The following SGCD variants were observed in gnomAD, a reference collection of about 807,000 sequenced individuals.
SGCD encodes the protein sarcoglycan delta, also known as delta-sarcoglycan.
Under a neutral mutation model 36.6 loss-of-function variants are expected in SGCD, and 18 were observed. That is an observed-to-expected ratio of 0.49 (90% CI 0.34 to 0.73). The LOEUF is 0.73. SGCD is among the 30% of genes least tolerant of loss of function. The pLI, the probability that SGCD is intolerant of heterozygous loss-of-function variation, is 0.01. For missense variants in SGCD, 387 were observed against 346.7 expected (o/e 1.12, Z -0.92); for synonymous variants, 133 against 130.6 (o/e 1.02, Z -0.12).
At chr5:156,358,969 G>A (rs1238274719) in intron 3 of SGCD, among the ~76,000 whole-genome samples, 1 of 152,064 alleles carries the variant, frequency 6.6e-6, no homozygotes, top group African/African-American at 2.4e-5. Flanking sequence ...ATTTGGTGAG[G>A]AGAATGCACT....
At chr5:156,349,066 T>A (rs2033297833) in intron 3 of SGCD, among the ~76,000 whole-genome samples, 1 of 152,058 alleles carries the variant, frequency 6.6e-6, no homozygotes, top group Admixed American at 6.5e-5. Flanking sequence ...TGAAACTGGA[T>A]CCTTGTCTCT....
chr5:156,006,802 G>A (rs1758767449), intron 1 of SGCD, among the ~76,000 whole-genome samples: 1 of 152,144 alleles, frequency 6.6e-6, no homozygotes, highest in African/African-American at 2.4e-5. Context: ...GTTCTCAAAT[G>A]TGAGCAGTCT....
Position 156,567,305 on chromosome 5 carries a change from G to A in SGCD, c.295-21926G>A, listed in dbSNP as rs183136063. Among the ~76,000 whole-genome samples the A allele has an allele frequency of 3.1e-3, 467 of 151,046 alleles. 3 individuals carry two copies. Among genetic ancestry groups the A allele is most frequent in the African/African-American group, 0.011 (440 of 41,098 alleles). On this transcript the variant is annotated intron_variant, in intron 4 of 8. Coordinates refer to ENST00000337851, the MANE Select transcript of SGCD (RefSeq NM_000337.6). ...GGAGGGGGTGAATGGATGGATGGAT[G>A]GATGGATGAATTAATGGGGGAAGGA... is the stretch of plus-strand genomic sequence containing the variant.
intron 4 of SGCD, among the ~76,000 whole-genome samples, chr5:156,589,018 G>A (rs1760609670): frequency 6.6e-6 from 1 of 151,914 alleles, no homozygotes; most frequent in African/African-American, 2.4e-5. Flanking sequence ...GTGTGTGTGT[G>A]TGTGTGCATT....
intron 3 of SGCD, among the ~76,000 whole-genome samples, chr5:156,472,217 G>A (rs925340118): frequency 1.3e-5 from 2 of 152,112 alleles, no homozygotes; most frequent in African/African-American, 4.8e-5. Context: ...AAAGCCAAAT[G>A]TATACCGATC....
intron 3 of SGCD, among the ~76,000 whole-genome samples, chr5:156,494,039 G>T (rs919725548): frequency 2.0e-5 from 3 of 152,108 alleles, no homozygotes; most frequent in East Asian, 3.9e-4. Context: ...ATGGCGGGGT[G>T]TCACTGCCAT....
intron 1 of SGCD, among the ~76,000 whole-genome samples, chr5:155,961,333 T>C (rs572417975): frequency 7.9e-5 from 12 of 152,140 alleles, no homozygotes; most frequent in Non-Finnish European, 1.6e-4. Flanking sequence ...AAATTAGTCT[T>C]TAAAAATAAT....
chr5:156,294,418 G>T (rs531204360), intron 3 of SGCD, among the ~76,000 whole-genome samples: 1 of 152,082 alleles, frequency 6.6e-6, no homozygotes, highest in African/African-American at 2.4e-5. Context: ...TCAACATAAA[G>T]ACCAAGTCTC....
At chr5:156,510,735 T>G (rs1214473427) in intron 4 of SGCD, among the ~76,000 whole-genome samples, 1 of 152,192 alleles carries the variant, frequency 6.6e-6, no homozygotes, top group Non-Finnish European at 1.5e-5. Flanking sequence ...TCCATAAATA[T>G]ATAAATGCTC....
chr5:155,962,408 G>T (rs541544678), intron 1 of SGCD, among the ~76,000 whole-genome samples: 2 of 152,102 alleles, frequency 1.3e-5, no homozygotes, highest in African/African-American at 4.8e-5. Context: ...GACTTTTCCT[G>T]CCCATCCACT....
chr5:155,812,391 G>T, the SGCD span, among the ~76,000 whole-genome samples: 1 of 152,180 alleles, frequency 6.6e-6, no homozygotes, highest in South Asian at 2.1e-4. Flanking sequence ...CTGTTGGCTC[G>T]TTCTGGCGGT....
At chr5:155,948,927 G>A (rs969357035) in intron 1 of SGCD, among the ~76,000 whole-genome samples, 2 of 152,118 alleles carry the variant, frequency 1.3e-5, no homozygotes, top group African/African-American at 4.8e-5. Context: ...TATCAAAACC[G>A]ACAAATGCAG....
chr5:155,924,588 A>G (rs1021253467), intron 1 of SGCD, among the ~76,000 whole-genome samples: 1 of 152,220 alleles, frequency 6.6e-6, no homozygotes, highest in Non-Finnish European at 1.5e-5. Flanking sequence ...GAAGAGTGGA[A>G]TGAATTGTTA....
the SGCD span, among the ~76,000 whole-genome samples, chr5:155,813,139 CTA>C: frequency 1.5e-4 from 23 of 151,564 alleles, no homozygotes; most frequent in South Asian, 4.6e-3. Flanking sequence ...ATCACAATGA[CTA>C]TGTGGAGGGG....
rs33983852 is a variant in SGCD at position 156,122,843 on chromosome 5, T to TAAAAAAAAA, written c.-207-980_-207-972dup. Among the ~76,000 whole-genome samples, 44 of 54,162 alleles carry TAAAAAAAAA rather than the reference T, an allele frequency of 8.1e-4. 7 individuals are homozygous for TAAAAAAAAA. Among genetic ancestry groups the TAAAAAAAAA allele is most frequent in the African/African-American group, 9.7e-4 (12 of 12,344 alleles). 35.5% of individuals were successfully genotyped at this position (54,162 alleles called of 152,430 possible). A position where few individuals can be genotyped will look rare whatever the true frequency, so the allele number is the denominator to read the frequency against. On this transcript the variant is annotated intron_variant, in intron 2 of 9. Coordinates refer to the SGCD transcript ENST00000517913. Reference sequence around the variant, plus strand: ...ACCAGCATGGTAGTAAAAGATGTGGTAAAAAAAAAAAAAAAAAAAAAAAAA... The same window carrying TAAAAAAAAA: ...ACCAGCATGGTAGTAAAAGATGTGGTAAAAAAAAAAAAAAAAAAAAAAAAAAAAAAAAAA...
In SGCD at chr5:156,442,364, G is replaced by A. The variant is rs998821681; in HGVS notation, c.193-66237G>A. On this transcript the variant is annotated intron_variant, in intron 3 of 8. Transcript: ENST00000337851. The stretch of plus-strand genomic sequence containing the variant: ...AAATTGGTTTACATTGGTTTAAACC[G>A]CTCTACCATTTCCCATCTCTGGACC... Among the ~76,000 whole-genome samples the A allele has an allele frequency of 3.9e-5, 6 of 152,264 alleles. No individual in the cohort carries two copies. In the East Asian group the frequency reaches 7.7e-4, roughly 20 times the overall value.
chr5:155,872,705 G>A (rs1241815702), intron 1 of SGCD, among the ~76,000 whole-genome samples: 2 of 152,134 alleles, frequency 1.3e-5, no homozygotes, highest in Non-Finnish European at 2.9e-5. Flanking sequence ...GTCAGATGCT[G>A]TACCAAGGGA....
At chr5:156,297,487 A>G (rs1403861480) in intron 3 of SGCD, among the ~76,000 whole-genome samples, 2 of 151,924 alleles carry the variant, frequency 1.3e-5, no homozygotes, top group Non-Finnish European at 2.9e-5. Flanking sequence ...TGTCCTTTGT[A>G]GGGACATGGA....
intron 4 of SGCD, among the ~76,000 whole-genome samples, chr5:156,550,795 T>G (rs952286664): frequency 5.3e-5 from 8 of 152,236 alleles, no homozygotes; most frequent in Admixed American, 1.3e-4. Context: ...AAGTCATTTA[T>G]TAGCTACTAG....
Sources: allele counts gnomAD v4.1 joint callset (sites outside exome capture counted in the v4.1 genomes callset), GRCh38; gene constraint gnomAD v4.1.1; transcripts MANE v1.5; gene names NCBI Gene and HGNC (gene_info 2026-07-23, HGNC 2026-07-21).